Variants in RCC1L observed in about 807,000 individuals in gnomAD.
The protein encoded by RCC1L is RCC1 like.
In RCC1L, 46 loss-of-function variants were observed where a neutral mutation model predicts 58.6. That is an observed-to-expected ratio of 0.79 (90% CI 0.62 to 1.00). The LOEUF is 1.00. RCC1L is among the 50% of genes least tolerant of loss of function. The pLI is 0.00. For missense variants in RCC1L, 636 were observed against 623.6 expected (o/e 1.02, Z -0.21); for synonymous variants, 281 against 262.9 (o/e 1.07, Z -0.67).
intron 10 of RCC1L, among the ~76,000 whole-genome samples, chr7:75,045,255 C>T (rs1457389713): frequency 6.6e-6 from 1 of 152,140 alleles, no homozygotes; most frequent in African/African-American, 2.4e-5. Flanking sequence ...ATAGCTCGCA[C>T]TACAATGTCG....
downstream of RCC1L, among the ~76,000 whole-genome samples, chr7:75,038,160 C>A (rs980264057): frequency 6.6e-6 from 1 of 152,218 alleles, no homozygotes; most frequent in Non-Finnish European, 1.5e-5. Flanking sequence ...GCCCTCATGG[C>A]CATCTCTGAA....
intron 10 of RCC1L, among the ~76,000 whole-genome samples, chr7:75,047,799 C>G (rs1805773380): frequency 6.6e-6 from 1 of 151,072 alleles, no homozygotes; most frequent in Admixed American, 6.6e-5. Flanking sequence ...GGCGTGCACC[C>G]CCACGCCTGG....
Position 75,042,736 on chromosome 7 carries a change from G to C in RCC1L, c.*296C>G, listed in dbSNP as rs2131976101. On this transcript the variant is annotated 3_prime_UTR_variant, in exon 11 of 11. Coordinates refer to ENST00000610322, the MANE Select transcript of RCC1L (RefSeq NM_030798.5). ...AAGACGGGCTTCTCAGGCGAGACGT[G>C]ACACCAGACACCGTCGCATGTTACT... The C allele has an allele frequency of 7.5e-7, 1 of 1,341,382 alleles. No individual in the cohort carries two copies. Among genetic ancestry groups the C allele is most frequent in the East Asian group, 3.2e-5 (1 of 31,494 alleles). 83.1% of individuals were successfully genotyped at this position (1,341,382 alleles called of 1,614,324 possible).
Position 75,072,202 on chromosome 7 carries a change from A to C in RCC1L, c.324+1212T>G, listed in dbSNP as rs1377777853. On this transcript the variant is annotated intron_variant, in intron 1 of 10. Coordinates refer to ENST00000610322, the MANE Select transcript of RCC1L (RefSeq NM_030798.5). Reference sequence around the variant, plus strand: ...TATATATATATATATGGAGAGAGAGAGAGACAGAGAGATGAGTTCTCACTG... The same window carrying C: ...TATATATATATATATGGAGAGAGAGCGAGACAGAGAGATGAGTTCTCACTG... Among the ~76,000 whole-genome samples, 4 of 133,540 alleles carry C rather than the reference A, an allele frequency of 3.0e-5. No homozygotes were observed. The Admixed American group carries it at 3.2e-4, about 11-fold the overall frequency. 87.6% of individuals were successfully genotyped at this position (133,540 alleles called of 152,430 possible).
intron 10 of RCC1L, among the ~76,000 whole-genome samples, chr7:75,051,409 G>C (rs1179284300): frequency 1.4e-5 from 2 of 144,526 alleles, no homozygotes; most frequent in African/African-American, 5.4e-5. Context: ...CATTTCTTTT[G>C]CAAGTCCTTT....
intron 1 of RCC1L, among the ~76,000 whole-genome samples, chr7:75,072,159 TACATATATATATATATATATATATATA>T (rs1806770187): frequency 1.8e-5 from 1 of 55,188 alleles, no homozygotes; most frequent in African/African-American, 5.5e-5. Context: ...CATATACATA[TACATATATATATATATATATATATATA>T]TATATGGAGA....
At position 75,073,455 on chromosome 7, in the gene RCC1L, T is replaced by C; in HGVS notation, c.283A>G (p.Arg95Gly). The C allele has an allele frequency of 2.9e-6, 4 of 1,371,910 alleles. No individual in the cohort carries two copies. The highest frequency in any genetic ancestry group is 3.7e-6 in the Non-Finnish European group (4 of 1,067,478). 85.0% of individuals were successfully genotyped at this position (1,371,910 alleles called of 1,614,324 possible). The change falls in exon 1 of 11, where the codon AGG becomes GGG. Residue 95 changes from arginine to glycine, a missense_variant. By Grantham distance (125) the Arg-to-Gly change is moderately radical. Coordinates refer to ENST00000610322, the MANE Select transcript of RCC1L (RefSeq NM_030798.5). ...AGGCGATAGGGCACGGGCTGGATCCTGCGGCGCGGTCGGGCGCCGGCGCGG... is the reference window on the plus strand; with the variant it reads ...AGGCGATAGGGCACGGGCTGGATCCCGCGGCGCGGTCGGGCGCCGGCGCGG... Reference protein sequence around the residue: ...GPRAGARPRRRIQPVPYRLEL... With the variant: ...GPRAGARPRRGIQPVPYRLEL...
At chr7:75,060,584 C>A (rs1221636769) in intron 6 of RCC1L, among the ~76,000 whole-genome samples, 1 of 152,182 alleles carries the variant, frequency 6.6e-6, no homozygotes, top group Non-Finnish European at 1.5e-5. Flanking sequence ...CCGTGTGCCA[C>A]CACACCCAGC....
At position 75,037,167 on chromosome 7, in the gene RCC1L, T is replaced by C. The variant is rs969681947; in HGVS notation, c.1318-9088A>G. The stretch of plus-strand genomic sequence containing the variant: ...TGGAGGTGACAACAGTATCTAGGTT[T>C]ATCCATTTATTTATTTACGTATTTA... On this transcript the variant is annotated intron_variant, in intron 10 of 10. Transcript: ENST00000614461. Among the ~76,000 whole-genome samples, 305 of 152,266 alleles carry C rather than the reference T, an allele frequency of 2.0e-3. 1 individual carries two copies. The highest frequency in any genetic ancestry group is 7.0e-3 in the African/African-American group (291 of 41,564).
intron 10 of RCC1L, 120 bp downstream of exon 10, chr7:75,052,591 G>T: frequency 1.1e-6 from 1 of 919,404 alleles, no homozygotes; most frequent in South Asian, 1.5e-5. Context: ...GCCAGGACCC[G>T]GAAGGGGGAG....
chr7:75,058,744 G>A lies in RCC1L; in HGVS notation c.813C>T (p.Ser271=), dbSNP rs1270848056. Residue 271 remains serine, a synonymous_variant, in exon 7 of 11, where the codon AGC becomes AGT. Coordinates refer to ENST00000610322, the MANE Select transcript of RCC1L (RefSeq NM_030798.5). ...GGTCTCCACCCAGCTTGGTGGGCGA[G>A]CTGGTGATATTGTAGTGACCCAGAC... ...QTGLGHYNIT[S]SPTKLGGDLA... The A allele has an allele frequency of 6.2e-7, 1 of 1,613,840 alleles. No homozygotes were observed. Among genetic ancestry groups the A allele is most frequent in the African/African-American group, 1.3e-5 (1 of 74,922 alleles).
Position 75,061,271 on chromosome 7 carries a change from A to G in RCC1L, c.723T>C (p.His241=). The G allele has an allele frequency of 3.1e-6, 5 of 1,613,698 alleles. No individual in the cohort carries two copies. Among genetic ancestry groups the G allele is most frequent in the Non-Finnish European group, 4.2e-6 (5 of 1,179,710 alleles). The part of the protein sequence containing the change: ...QVVQVACGQD[H]SLFLTDKGEV... ...CTCCTTTATCCGTCAGGAACAGACT[A>G]TGATCCTGACCACAGGCGACCTAGC... Residue 241 remains histidine (H), a synonymous_variant, in exon 6 of 11, where the codon CAT becomes CAC. Transcript: ENST00000610322.
Position 75,032,767 on chromosome 7 carries a change from G to C in RCC1L, c.1318-4688C>G, listed in dbSNP as rs1049438304. ...TCTGAAGACAAGTCCTGTCGCTCGG[G>C]CCTTCAGATAATACCACAGGAGGGC... On this transcript the variant is annotated intron_variant, in intron 10 of 10. Coordinates refer to the RCC1L transcript ENST00000614461. Among the ~76,000 whole-genome samples, 8 of 152,204 alleles carry C rather than the reference G, an allele frequency of 5.3e-5. 1 individual carries two copies. In the South Asian group the frequency reaches 1.7e-3, roughly 32 times the overall value.
intron 10 of RCC1L, among the ~76,000 whole-genome samples, chr7:75,036,866 G>C (rs1330961930): frequency 6.6e-6 from 1 of 152,098 alleles, no homozygotes; most frequent in Non-Finnish European, 1.5e-5. Context: ...TCGCACCACT[G>C]CATTCCAGCC....
chr7:75,056,328 C>T (rs1806080623), intron 8 of RCC1L, among the ~76,000 whole-genome samples: 2 of 152,222 alleles, frequency 1.3e-5, no homozygotes, highest in Admixed American at 6.5e-5. Context: ...ACACAAACTT[C>T]CCACATCTTG....
intron 10 of RCC1L, among the ~76,000 whole-genome samples, chr7:75,051,205 TATAAACGTATA>T (rs1805895699): frequency 9.4e-4 from 138 of 146,364 alleles, no homozygotes; most frequent in African/African-American, 3.3e-3. Flanking sequence ...ATTTAATATA[TATAAACGTATA>T]ATATAAATGT....
chr7:75,036,510 C>G (rs1382900914), intron 10 of RCC1L, among the ~76,000 whole-genome samples: 3 of 152,120 alleles, frequency 2.0e-5, no homozygotes, highest in African/African-American at 4.8e-5. Flanking sequence ...TGAAAGCAGG[C>G]ATCCTTCTCA....
At chr7:75,051,919 A>C (rs1805926373) in intron 10 of RCC1L, among the ~76,000 whole-genome samples, 1 of 152,174 alleles carries the variant, frequency 6.6e-6, no homozygotes, top group Non-Finnish European at 1.5e-5. Flanking sequence ...TCTGGAACAA[A>C]AACTGGGTGG....
At chr7:75,050,112 A>C (rs1554443181) in intron 10 of RCC1L, among the ~76,000 whole-genome samples, 1 of 151,944 alleles carries the variant, frequency 6.6e-6, no homozygotes, top group Non-Finnish European at 1.5e-5. Flanking sequence ...CAAAGGCACA[A>C]ATGTGTTTAA....
Sources: allele counts gnomAD v4.1 joint callset (sites outside exome capture counted in the v4.1 genomes callset), GRCh38; gene constraint gnomAD v4.1.1; transcripts MANE v1.5; gene names NCBI Gene and HGNC (gene_info 2026-07-23, HGNC 2026-07-21).